TNNT2: variants seen among roughly 807,000 people sequenced by gnomAD.
TNNT2 encodes the protein troponin T, cardiac muscle.
In TNNT2, 34 loss-of-function variants were observed where a neutral mutation model predicts 62.4. That is an observed-to-expected ratio of 0.54 (90% CI 0.41 to 0.72). The LOEUF (loss-of-function observed/expected upper bound fraction) is 0.72. Ranked by LOEUF, TNNT2 falls within the 30% of genes least tolerant of loss-of-function variation. The pLI is 0.00. For synonymous variants in TNNT2, 123 were observed against 127.2 expected, an observed-to-expected ratio of 0.97 and a Z score of 0.22; for missense variants, 275 against 381.9, an observed-to-expected ratio of 0.72 and a Z score of 2.33.
chr1:201,376,079 C>G (rs115799308), intron 1 of TNNT2, among the ~76,000 whole-genome samples: 1,651 of 152,284 alleles, frequency 0.011, 41 homozygotes, highest in African/African-American at 0.038. Context: ...CCTGGCAGGG[C>G]AAGGAACCAG....
intron 2 of TNNT2, among the ~76,000 whole-genome samples, chr1:201,372,407 C>T (rs1249700653): frequency 4.6e-5 from 7 of 152,162 alleles, no homozygotes; most frequent in East Asian, 1.9e-4. Context: ...GTCTCACCAG[C>T]GTTCTGCTCA....
In TNNT2 at chr1:201,359,273, C is replaced by A; in HGVS notation, c.852-18G>T. 6.2e-7 allele frequency: 1 copy of A among 1,609,370 alleles called. No individual in the cohort carries two copies. The stretch of plus-strand genomic sequence containing the variant: ...TCTTGGAGCTGCAGGGGAAGCAGGA[C>A]GCAGTGACATGGAGACACAGGCAGG... On this transcript the variant is annotated intron_variant, in intron 16 of 16. Transcript: ENST00000656932.
rs200979322 is a variant in TNNT2 at position 201,365,328 on chromosome 1, C to T, written c.295-21G>A. 5.3e-5 allele frequency: 85 copies of T among 1,601,016 alleles called. 1 individual carries two copies. In the Admixed American group the frequency reaches 1.0e-3, roughly 19 times the overall value. The stretch of plus-strand genomic sequence containing the variant: ...ATGTCCTGTGGGTGGACCGCTGCGG[C>T]TCAGAGGCTGCCACTCCAAAGAGTC... On this transcript the variant is annotated intron_variant, in intron 9 of 16. Transcript: ENST00000656932.
chr1:201,361,280 TC>T lies in TNNT2; in HGVS notation c.808del (p.Glu270ArgfsTer88). The T allele has an allele frequency of 6.2e-7, 1 of 1,614,000 alleles. No homozygotes were observed. Among genetic ancestry groups the T allele is most frequent in the Non-Finnish European group, 8.5e-7 (1 of 1,179,914 alleles). ...LQEKFKQQKYEINVLRNRIND... is the reference protein window; with the variant it reads ...LQEKFKQQKYXINVLRNRIND... ...GGCGGGGACAGCATGGCGGCCCACC[TC>T]ATATTTCTGCTGCTTGAACTTCTCC... On this transcript the variant is annotated frameshift_variant and splice_region_variant, in exon 15 of 17. Transcript: ENST00000656932. LOFTEE classifies it high-confidence loss of function.
At chr1:201,364,642 G>A (rs1056975993) in intron 10 of TNNT2, among the ~76,000 whole-genome samples, 2 of 152,188 alleles carry the variant, frequency 1.3e-5, no homozygotes, top group Admixed American at 6.5e-5. Context: ...GCTCCTTCTG[G>A]GCTCTGCCCC....
In TNNT2 at chr1:201,365,223, CCT is replaced by C. The variant is rs1246597926; in HGVS notation, c.377_378del (p.Glu126GlyfsTer27). The C allele has an allele frequency of 1.2e-6, 2 of 1,614,154 alleles. No homozygotes were observed. Among genetic ancestry groups the C allele is most frequent in the Non-Finnish European group, 1.7e-6 (2 of 1,179,996 alleles). On this transcript the variant is annotated frameshift_variant, in exon 10 of 17. Transcript: ENST00000656932. LOFTEE classifies it high-confidence loss of function. Reference sequence around the variant, plus strand: ...TCTTTGAGAGAAACGAGCTCCTCCTCCTCTTTCTTCCTGTTCTCAAAGTGAGC... The same window carrying C: ...TCTTTGAGAGAAACGAGCTCCTCCTCCTTTCTTCCTGTTCTCAAAGTGAGC... ...IEAHFENRKK[E>X]EEELVSLKDR...
At position 201,359,211 on chromosome 1, in the gene TNNT2, T is replaced by C; in HGVS notation, c.896A>G (p.Ter299TrpextTer42). The stretch of plus-strand genomic sequence containing the variant: ...ATCTTTGGTGAAGGAGGCCAGGCTC[T>C]ATTTCCAGCGCCCGGTGACTTTAGC... ...GKAKVTGRWK[*>W] The change falls in exon 17 of 17, where the codon TAG (stop) becomes TGG (tryptophan). Residue 299 changes from the stop codon to tryptophan (W), a stop_lost. Transcript: ENST00000656932. 6.2e-7 allele frequency: 1 copy of C among 1,609,704 alleles called. No homozygotes were observed. The highest frequency in any genetic ancestry group is 8.5e-7 in the Non-Finnish European group (1 of 1,178,710).
intron 8 of TNNT2, 157 bp downstream of exon 8, chr1:201,366,681 G>A (rs779222509): frequency 2.3e-5 from 36 of 1,555,796 alleles, no homozygotes; most frequent in African/African-American, 2.7e-5. Context: ...AGGAAGAGAC[G>A]CTTGTGCAGT....
intron 1 of TNNT2, chr1:201,373,878 G>A (rs1022400135): frequency 1.8e-5 from 3 of 165,344 alleles, no homozygotes; most frequent in Admixed American, 1.7e-4. Context: ...CATTCCATGT[G>A]TGCTGGACAA....
intron 7 of TNNT2, 98 bp from the exon 8 acceptor site, chr1:201,366,969 C>T (rs907900857): frequency 1.9e-6 from 3 of 1,600,374 alleles, no homozygotes; most frequent in Non-Finnish European, 2.6e-6. Context: ...TTTCCATTTC[C>T]CCATCTGCAC....
At chr1:201,366,900 G>T (rs45449197) in intron 7 of TNNT2, 29 bp from the exon 8 acceptor site, 8 of 1,613,988 alleles carry the variant, frequency 5.0e-6, no homozygotes, top group Non-Finnish European at 6.8e-6. Flanking sequence ...CACAGCCATG[G>T]GTCAGGGGGC....
rs1232535769 is a variant in TNNT2 at position 201,361,966 on chromosome 1, C to G, written c.666G>C (p.Leu222=). 3.1e-6 allele frequency: 5 copies of G among 1,614,104 alleles called. No homozygotes were observed. Among genetic ancestry groups the G allele is most frequent in the East Asian group, 4.5e-5 (2 of 44,882 alleles). ...TGGCCAGCACCTTCCTCCTCTCAGC[C>G]AGAATCTTCTTCTTCTTTTCCCGCT... ...QTEREKKKKI[L]AERRKVLAID... Residue 222 remains leucine, a synonymous_variant, in exon 14 of 17, where the codon CTG becomes CTC. Transcript: ENST00000656932.
At chr1:201,377,271 G>A (rs1393332100) in intron 1 of TNNT2, among the ~76,000 whole-genome samples, 1 of 152,150 alleles carries the variant, frequency 6.6e-6, no homozygotes, top group Non-Finnish European at 1.5e-5. Context: ...TTTAGAGCAG[G>A]CAGAGGCCTA....
At chr1:201,365,350 A>G (rs1039017311) in intron 9 of TNNT2, 43 bp from the exon 10 acceptor site, 1 of 1,536,602 alleles carries the variant, frequency 6.5e-7, no homozygotes, top group Non-Finnish European at 9.0e-7. Context: ...CACTCCAAAG[A>G]GTCCAGAGGA....
chr1:201,365,511 C>T (rs973836490), intron 9 of TNNT2, 99 bp downstream of exon 9: 2 of 1,404,812 alleles, frequency 1.4e-6, no homozygotes, highest in Non-Finnish European at 2.0e-6. Context: ...CCCATCCCAC[C>T]TATGCTCTAC....
intron 7 of TNNT2, 49 bp from the exon 8 acceptor site, chr1:201,366,920 G>A (rs1488801638): frequency 1.2e-6 from 2 of 1,613,972 alleles, no homozygotes; most frequent in South Asian, 1.1e-5. Context: ...CCCCAGAAGT[G>A]GTCCCAACTC....
At chr1:201,365,794 C>G in intron 8 of TNNT2, 124 bp from the exon 9 acceptor site, 1 of 1,547,594 alleles carries the variant, frequency 6.5e-7, no homozygotes, top group Non-Finnish European at 8.7e-7. Flanking sequence ...CCAACCACAG[C>G]AATGATAGTA....
At chr1:201,370,042 G>A (rs1660390006) in intron 4 of TNNT2, among the ~76,000 whole-genome samples, 197 bp from the exon 5 acceptor site, 1 of 151,948 alleles carries the variant, frequency 6.6e-6, no homozygotes, top group Non-Finnish European at 1.5e-5. Context: ...CTGAGCCTCA[G>A]GTGCCTCATC....
intron 7 of TNNT2, 24 bp from the exon 8 acceptor site, chr1:201,366,895 C>G: frequency 6.2e-7 from 1 of 1,614,154 alleles, no homozygotes; most frequent in African/African-American, 1.3e-5. Context: ...AAGCACACAG[C>G]CATGGGTCAG....
Sources: gnomAD v4.1 joint callset for allele counts (sites outside exome capture counted in the v4.1 genomes callset) on GRCh38, gnomAD v4.1.1 for gene constraint, MANE v1.5 for transcripts, NCBI Gene and HGNC (gene_info 2026-07-23, HGNC 2026-07-21) for gene names.